ACP4: variants seen among roughly 807,000 people sequenced by gnomAD.
The protein encoded by ACP4 is testicular acid phosphatase.
Under a neutral mutation model 47.3 loss-of-function variants are expected in ACP4, and 49 were observed. The observed-to-expected ratio is 1.04, with a 90% CI of 0.82 to 1.32. The LOEUF is 1.32. ACP4 is among the 40% of genes most tolerant of loss of function. The pLI, the probability that ACP4 is intolerant of heterozygous loss-of-function variation, is 0.00. For synonymous variants in ACP4, 299 were observed against 265.3 expected (o/e 1.13, Z -1.23); for missense variants, 594 against 579.3 (o/e 1.03, Z -0.26).
At chr19:50,791,961 T>C (rs1374133289) in intron 4 of ACP4, 112 bp from the exon 5 acceptor site, 1 of 1,453,004 alleles carries the variant, frequency 6.9e-7, no homozygotes, top group Non-Finnish European at 9.2e-7. Context: ...CTCCTGGATC[T>C]GGGAGAAACT....
intron 6 of ACP4, chr19:50,793,424 A>C: frequency 2.1e-6 from 1 of 476,350 alleles, no homozygotes; most frequent in Non-Finnish European, 3.8e-6. Flanking sequence ...CTGAGGCAGG[A>C]GAATCACCTG....
chr19:50,794,707 G>A, intron 9 of ACP4, 79 bp from the exon 10 acceptor site: 1 of 1,575,534 alleles, frequency 6.3e-7, no homozygotes, highest in Non-Finnish European at 8.6e-7. Flanking sequence ...GATGACAGGT[G>A]GGAGTCAGAA....
Position 50,794,821 on chromosome 19 carries a change from C to A in ACP4, c.1022C>A (p.Ser341Tyr). ...GTCTCCCTCTTCTACCGCAATGACT[C>A]CGCCCACCTGCCCCTGCCTCTCAGC... ...VTVSLFYRND[S>Y]AHLPLPLSLP... Residue 341 changes from serine (S) to tyrosine (Y), a missense_variant, in exon 10 of 11, where the codon TCC becomes TAC. By Grantham distance (144) the Ser-to-Tyr change is moderately radical. Coordinates refer to ENST00000270593, the MANE Select transcript of ACP4 (RefSeq NM_033068.3). 6.2e-7 allele frequency: 1 copy of A among 1,610,526 alleles called. No individual in the cohort carries two copies. Among genetic ancestry groups the A allele is most frequent in the Non-Finnish European group, 8.5e-7 (1 of 1,178,090 alleles).
At position 50,794,483 on chromosome 19, in the gene ACP4, G is replaced by A. The variant is rs762820094; in HGVS notation, c.888G>A (p.Gln296=). 1.2e-6 allele frequency: 2 copies of A among 1,613,436 alleles called. No individual in the cohort carries two copies. The highest frequency in any genetic ancestry group is 1.1e-5 in the South Asian group (1 of 91,034). Residue 296 remains glutamine (Q), a synonymous_variant, in exon 9 of 11, where the codon CAG becomes CAA. Transcript: ENST00000270593. ...SAHDSTLLAL[Q]GALGLYDGHT... ...ATGACAGCACCCTGCTGGCCCTCCA[G>A]GGGGCCCTGGGCCTCTATGATGGAC...
chr19:50,794,074 C>T (rs2089533665), intron 8 of ACP4, 104 bp downstream of exon 8: 3 of 1,355,600 alleles, frequency 2.2e-6, no homozygotes, highest in Non-Finnish European at 3.1e-6. Flanking sequence ...TCTCAGCCCA[C>T]TGCCTGGGGT....
chr19:50,794,942 CTA>C lies in ACP4; in HGVS notation c.1145_1146del (p.Tyr382Ter), dbSNP rs1568466144. On this transcript the variant is annotated frameshift_variant, in exon 10 of 11. Transcript: ENST00000270593. LOFTEE classifies it high-confidence loss of function. ...PAHGVSCHGP[Y>X]EAAIPPAPVV... ...CCCATGGGGTCTCCTGCCATGGCCC[CTA>C]TGAGGCTGCCATCCCCCCAGGTGAC... The C allele has an allele frequency of 1.9e-6, 3 of 1,613,116 alleles. No homozygotes were observed. The highest frequency in any genetic ancestry group is 2.5e-6 in the Non-Finnish European group (3 of 1,179,648).
rs150423996 is a variant in ACP4, at chr19:50,793,159, C to T, written c.646-525C>T. ...CTGAGCTGTGAAATACCTCTGGCCC[C>T]AGGGGTTTCAGATAAAGCCTTCTGG... is the stretch of plus-strand genomic sequence containing the variant. On this transcript the variant is annotated intron_variant, in intron 6 of 10. Coordinates refer to ENST00000270593, the MANE Select transcript of ACP4 (RefSeq NM_033068.3). The T allele has an allele frequency of 3.1e-3, 483 of 157,830 alleles. 1 individual carries two copies. Among genetic ancestry groups the T allele is most frequent in the Non-Finnish European group, 5.3e-3 (381 of 71,220 alleles). The allele number at this position is 157,830 out of a possible 1,614,324, so 9.8% of individuals were successfully genotyped here.
At chr19:50,793,038 G>C (rs756686095) in intron 6 of ACP4, 1 of 154,754 alleles carries the variant, frequency 6.5e-6, no homozygotes, top group Non-Finnish European at 1.4e-5. Flanking sequence ...TGGGAGCAGT[G>C]ATGTGTGTGA....
In ACP4 at chr19:50,794,881, G is replaced by A. The variant is rs368626532; in HGVS notation, c.1082G>A (p.Arg361His). The A allele has an allele frequency of 6.2e-6, 10 of 1,613,568 alleles. No homozygotes were observed. Among genetic ancestry groups the A allele is most frequent in the African/African-American group, 1.3e-5 (1 of 74,912 alleles). ...TGCCCGGCCCCCTGTCCACTAGGCC[G>A]CTTCTACCAGCTGACTGCCCCGGCC... ...PGCPAPCPLG[R>H]FYQLTAPARP... The change falls in exon 10 of 11, where the codon CGC becomes CAC. Residue 361 changes from arginine (R) to histidine (H), a missense_variant. By Grantham distance (29) the Arg-to-His change is conservative. Transcript: ENST00000270593.
chr19:50,792,026 C>T (rs2089513283), intron 4 of ACP4, 47 bp from the exon 5 acceptor site: 2 of 1,524,058 alleles, frequency 1.3e-6, no homozygotes, highest in Non-Finnish European at 1.8e-6. Context: ...CTGTGAGACC[C>T]AAGGCAAGGC....
At chr19:50,792,006 C>T (rs897734401) in intron 4 of ACP4, 67 bp from the exon 5 acceptor site, 5 of 1,501,254 alleles carry the variant, frequency 3.3e-6, no homozygotes, top group Admixed American at 4.2e-5. Context: ...GCCCGGGTTC[C>T]CCCGACCCGC....
intron 8 of ACP4, 131 bp from the exon 9 acceptor site, chr19:50,794,326 G>C: frequency 7.5e-7 from 1 of 1,330,844 alleles, no homozygotes; most frequent in Non-Finnish European, 1.0e-6. Context: ...CTGCCTTCAG[G>C]ATGGGAGGAA....
chr19:50,793,828 G>A lies in ACP4; in HGVS notation c.778+12G>A, dbSNP rs369233746. The A allele has an allele frequency of 6.2e-7, 1 of 1,613,930 alleles. No individual in the cohort carries two copies. On this transcript the variant is annotated intron_variant, in intron 7 of 10. Coordinates refer to ENST00000270593, the MANE Select transcript of ACP4 (RefSeq NM_033068.3). ...CCAGCTGACAGGGGGTGAGGTGTGGGTCTGGGAGGCTGGGGTGCCTTCCTC... is the reference window on the plus strand; with the variant it reads ...CCAGCTGACAGGGGGTGAGGTGTGGATCTGGGAGGCTGGGGTGCCTTCCTC...
At position 50,790,456 on chromosome 19, in the gene ACP4, CCTGCTG is replaced by C. The variant is rs750637211; in HGVS notation, c.55_60del (p.Leu19_Leu20del). ...TTTGGGGCCACCCTGCTGGACCTCT[CCTGCTG>C]CTGCTGCTGCTGGTGCTGCCACCCC... On this transcript the variant is annotated inframe_deletion, in exon 1 of 11. Transcript: ENST00000270593. 1.3e-5 allele frequency: 21 copies of C among 1,579,402 alleles called. No individual in the cohort carries two copies. Among genetic ancestry groups the C allele is most frequent in the Non-Finnish European group, 1.5e-5 (18 of 1,165,710 alleles).
rs1291477451 is a variant in ACP4, at chr19:50,794,470, T to G, written c.875T>G (p.Leu292Arg). The G allele has an allele frequency of 6.2e-7, 1 of 1,613,514 alleles. No homozygotes were observed. Among genetic ancestry groups the G allele is most frequent in the African/African-American group, 1.3e-5 (1 of 74,918 alleles). Residue 292 changes from leucine (L) to arginine (R), a missense_variant, in exon 9 of 11, where the codon CTG (leucine) becomes CGG (arginine). Coordinates refer to ENST00000270593, the MANE Select transcript of ACP4 (RefSeq NM_033068.3). Reference protein sequence around the residue: ...MVMYSAHDSTLLALQGALGLY... With the variant: ...MVMYSAHDSTRLALQGALGLY... The stretch of plus-strand genomic sequence containing the variant: ...GTCCACCTGCAGCATGACAGCACCC[T>G]GCTGGCCCTCCAGGGGGCCCTGGGC...
At position 50,794,512 on chromosome 19, in the gene ACP4, C is replaced by A. The variant is rs748894100; in HGVS notation, c.917C>A (p.Thr306Asn). ...GCCCTGGGCCTCTATGATGGACACA[C>A]CCCGCCATATGCTGCCTGCCTCGGC... ...QGALGLYDGH[T>N]PPYAACLGFE... The change falls in exon 9 of 11, where the codon ACC (threonine) becomes AAC (asparagine). Residue 306 changes from threonine (T) to asparagine (N), a missense_variant. Thr to Asn is a moderately conservative substitution (Grantham distance 65). Coordinates refer to ENST00000270593, the MANE Select transcript of ACP4 (RefSeq NM_033068.3). 4.0e-5 allele frequency: 64 copies of A among 1,613,976 alleles called. No homozygotes were observed. The highest frequency in any genetic ancestry group is 5.0e-5 in the Non-Finnish European group (59 of 1,180,014).
In ACP4 at chr19:50,792,171, G is replaced by C. The variant is rs753327498; in HGVS notation, c.549G>C (p.Thr183=). Residue 183 remains threonine (T), a splice_region_variant and synonymous_variant, in exon 5 of 11, where the codon ACG becomes ACC. Coordinates refer to ENST00000270593, the MANE Select transcript of ACP4 (RefSeq NM_033068.3). ...ACCAGGAGGCCCTGGAGGGCTGGAC[G>C]GTGAGCAGGGCGGCGGTGGGGGGCG... ...AEYQEALEGW[T]GFLSRLENFT... 3 of 1,610,270 alleles carry C rather than the reference G, an allele frequency of 1.9e-6. No homozygotes were observed. Among genetic ancestry groups the C allele is most frequent in the Non-Finnish European group, 2.5e-6 (3 of 1,179,384 alleles).
In ACP4 at chr19:50,795,027, C is replaced by A; in HGVS notation, c.1166-16C>A. On this transcript the variant is annotated splice_polypyrimidine_tract_variant and intron_variant, in intron 10 of 10. Coordinates refer to ENST00000270593, the MANE Select transcript of ACP4 (RefSeq NM_033068.3). ...GCCAAGTCCTGGCACTCACCCCCCG[C>A]GTGTTCTCCCTGCAGCTCCAGTGGT... The A allele has an allele frequency of 6.2e-7, 1 of 1,612,664 alleles. No homozygotes were observed. The highest frequency in any genetic ancestry group is 8.5e-7 in the Non-Finnish European group (1 of 1,179,606).
chr19:50,794,963 A>G lies in ACP4; in HGVS notation c.1164A>G (p.Pro388=), dbSNP rs2089545576. 7 of 1,612,988 alleles carry G rather than the reference A, an allele frequency of 4.3e-6. No individual in the cohort carries two copies. The highest frequency in any genetic ancestry group is 5.9e-6 in the Non-Finnish European group (7 of 1,179,676). The change falls in exon 10 of 11, where the codon CCA becomes CCG. Residue 388 remains proline (P), a splice_region_variant and synonymous_variant. Transcript: ENST00000270593. ...CHGPYEAAIP[P]APVVPLLAGA... ...GCCCCTATGAGGCTGCCATCCCCCC[A>G]GGTGACAGTCCTCTGTGTTGGGGTG...
Sources: allele counts gnomAD v4.1 joint callset, GRCh38; gene constraint gnomAD v4.1.1; transcripts MANE v1.5; gene names NCBI Gene and HGNC (gene_info 2026-07-23, HGNC 2026-07-21).